The following ACTR3 variants were observed in gnomAD, a reference collection of about 807,000 sequenced individuals.
ACTR3 encodes the protein actin-related protein 3.
ACTR3 carries 12 observed loss-of-function variants against 56.8 expected under a neutral mutation model. That is an observed-to-expected ratio of 0.21 (90% CI 0.14 to 0.34). The LOEUF is 0.34. Ranked by LOEUF, ACTR3 falls within the 10% of genes least tolerant of loss-of-function variation. ACTR3 has a pLI of 1.00. For missense variants in ACTR3, 282 were observed against 512.5 expected (o/e 0.55, Z 4.34); for synonymous variants, 162 against 167.4 (o/e 0.97, Z 0.25).
chr2:113,894,082 T>C (rs1242608483), intron 1 of ACTR3, among the ~76,000 whole-genome samples: 1 of 151,764 alleles, frequency 6.6e-6, no homozygotes, highest in African/African-American at 2.4e-5. Context: ...TGTTTAATAA[T>C]AATGCTGTTT....
rs115561407 is a variant in ACTR3, at chr2:113,951,021, A to G, written c.859-458A>G. 2.3e-4 allele frequency: 36 copies of G among 156,404 alleles called. 1 individual carries two copies. The East Asian group carries it at 6.5e-3, about 28-fold the overall frequency. 9.7% of individuals were successfully genotyped at this position (156,404 alleles called of 1,614,324 possible). Reference sequence around the variant, plus strand: ...AACTTATTCACTCCATGAGAACAGTATGGGGGAAACCACCCTCATGATTCA... The same window carrying G: ...AACTTATTCACTCCATGAGAACAGTGTGGGGGAAACCACCCTCATGATTCA... On this transcript the variant is annotated intron_variant, in intron 8 of 11. Coordinates refer to ENST00000263238, the MANE Select transcript of ACTR3 (RefSeq NM_005721.5).
intron 8 of ACTR3, among the ~76,000 whole-genome samples, chr2:113,945,622 T>A (rs940306374): frequency 2.0e-5 from 3 of 152,206 alleles, no homozygotes; most frequent in Non-Finnish European, 4.4e-5. Context: ...CACTTTCACC[T>A]TGTTTATTCA....
chr2:113,962,387 T>C lies in ACTR3; in HGVS notation c.*4932T>C, dbSNP rs1250008071. 6.6e-6 allele frequency: 1 copy of C among 152,028 alleles called. No homozygotes were observed. The highest frequency in any genetic ancestry group is 2.4e-5 in the African/African-American group (1 of 41,444). The allele number at this position is 152,028 out of a possible 1,614,324, so 9.4% of individuals were successfully genotyped here. A position where few individuals can be genotyped will look rare whatever the true frequency, so the allele number is the denominator to read the frequency against. On this transcript the variant is annotated 3_prime_UTR_variant, in exon 12 of 12. Transcript: ENST00000263238. ...TAACAGTAGAAACAGGCCTCATTTCTCCCTCTGGCTTTTATTGATCAATTT... is the reference window on the plus strand; with the variant it reads ...TAACAGTAGAAACAGGCCTCATTTCCCCCTCTGGCTTTTATTGATCAATTT...
At chr2:113,934,148 C>T in intron 5 of ACTR3, 131 bp from the exon 6 acceptor site, 1 of 627,210 alleles carries the variant, frequency 1.6e-6, no homozygotes. Context: ...TATGTATTTT[C>T]TTTCCACAGA....
At chr2:113,955,083 A>C (rs1680187392) in intron 10 of ACTR3, 1 of 152,256 alleles carries the variant, frequency 6.6e-6, no homozygotes, top group Admixed American at 6.5e-5. Flanking sequence ...TGGAATATGT[A>C]TATGATAGTT....
intron 1 of ACTR3, among the ~76,000 whole-genome samples, chr2:113,907,621 T>A (rs1170258980): frequency 6.6e-6 from 1 of 152,088 alleles, no homozygotes; most frequent in Non-Finnish European, 1.5e-5. Context: ...AAAAATAAAT[T>A]ATACTGATAG....
chr2:113,959,389 T>A lies in ACTR3; in HGVS notation c.*1934T>A, dbSNP rs920175513. On this transcript the variant is annotated 3_prime_UTR_variant, in exon 12 of 12. Coordinates refer to ENST00000263238, the MANE Select transcript of ACTR3 (RefSeq NM_005721.5). ...CAATAAAATATTGTTAGCATTGTCATAAATATGTCTTTTCCACCGGCGATG... is the reference window on the plus strand; with the variant it reads ...CAATAAAATATTGTTAGCATTGTCAAAAATATGTCTTTTCCACCGGCGATG... 6.6e-6 allele frequency: 1 copy of A among 152,060 alleles called. No homozygotes were observed. Among genetic ancestry groups the A allele is most frequent in the Non-Finnish European group, 1.5e-5 (1 of 67,926 alleles). The allele number at this position is 152,060 out of a possible 1,614,324, so 9.4% of individuals were successfully genotyped here.
chr2:113,957,317 T>C (rs1231027530), intron 11 of ACTR3, 43 bp from the exon 12 acceptor site: 2 of 1,400,220 alleles, frequency 1.4e-6, no homozygotes, highest in East Asian at 2.3e-5. Context: ...TTCAAGATGG[T>C]AGATTTTTGA....
intron 3 of ACTR3, 130 bp from the exon 4 acceptor site, chr2:113,927,215 C>G (rs1287337149): frequency 1.9e-6 from 1 of 516,412 alleles, no homozygotes; most frequent in Non-Finnish European, 3.3e-6. Flanking sequence ...TAAGGATGTT[C>G]TATAGTATCA....
intron 1 of ACTR3, among the ~76,000 whole-genome samples, chr2:113,906,000 T>C (rs767089580): frequency 2.0e-5 from 3 of 152,252 alleles, no homozygotes; most frequent in Non-Finnish European, 2.9e-5. Flanking sequence ...TTCAGTTCTT[T>C]TGGGTATATA....
intron 6 of ACTR3, among the ~76,000 whole-genome samples, chr2:113,938,366 G>A (rs1679865907): frequency 6.6e-6 from 1 of 152,118 alleles, no homozygotes; most frequent in African/African-American, 2.4e-5. Context: ...TATAATTTTT[G>A]ATTTGGCACT....
chr2:113,912,468 A>G (rs573062552), intron 1 of ACTR3, among the ~76,000 whole-genome samples: 20 of 152,290 alleles, frequency 1.3e-4, no homozygotes, highest in African/African-American at 4.6e-4. Flanking sequence ...ATGTAGGCCA[A>G]GTCTACTGTG....
At chr2:113,916,792 T>C in intron 2 of ACTR3, 92 bp from the exon 3 acceptor site, 1 of 1,071,260 alleles carries the variant, frequency 9.3e-7, no homozygotes, top group Non-Finnish European at 1.3e-6. Context: ...CATGTTTTAC[T>C]TTGTAGTACT....
chr2:113,957,297 T>C, intron 11 of ACTR3, 63 bp from the exon 12 acceptor site: 1 of 1,215,084 alleles, frequency 8.2e-7, no homozygotes. Flanking sequence ...AAAGTTTATT[T>C]CAATATACCT....
At chr2:113,901,013 C>T (rs1220088760) in intron 1 of ACTR3, among the ~76,000 whole-genome samples, 1 of 152,198 alleles carries the variant, frequency 6.6e-6, no homozygotes, top group East Asian at 1.9e-4. Context: ...GAATCAGCCA[C>T]TGCATTCTTG....
chr2:113,958,901 A>C lies in ACTR3; in HGVS notation c.*1446A>C, dbSNP rs1475088429. 1 of 152,062 alleles carries C rather than the reference A, an allele frequency of 6.6e-6. No homozygotes were observed. Among genetic ancestry groups the C allele is most frequent in the African/African-American group, 2.4e-5 (1 of 41,458 alleles). The allele number at this position is 152,062 out of a possible 1,614,324, so 9.4% of individuals were successfully genotyped here. On this transcript the variant is annotated 3_prime_UTR_variant, in exon 12 of 12. Transcript: ENST00000263238. ...GTTTAGTTTTTTGTTTTTACTCTAA[A>C]GATAGAATTGGGGAGTAAACTTCAG...
intron 1 of ACTR3, among the ~76,000 whole-genome samples, chr2:113,895,107 T>C (rs1183010815): frequency 8.0e-6 from 1 of 124,514 alleles, no homozygotes; most frequent in African/African-American, 3.1e-5. Context: ...GACTATTTCC[T>C]TGTTACTTTG....
rs777364622 is a variant in ACTR3 at position 113,951,584 on chromosome 2, A to G, written c.951+13A>G. 6.3e-7 allele frequency: 1 copy of G among 1,597,814 alleles called. No homozygotes were observed. The highest frequency in any genetic ancestry group is 1.3e-5 in the African/African-American group (1 of 74,522). The stretch of plus-strand genomic sequence containing the variant: ...TCCTCTCTACAAGGTATTTATAGCA[A>G]AATTGTTATTCAAGGTCTTACTTTA... On this transcript the variant is annotated intron_variant, in intron 9 of 11. Transcript: ENST00000263238.
intron 4 of ACTR3, 72 bp from the exon 5 acceptor site, chr2:113,931,229 A>T: frequency 1.1e-6 from 1 of 879,982 alleles, no homozygotes; most frequent in Non-Finnish European, 1.7e-6. Flanking sequence ...ATTACTTCTC[A>T]TTTAAAAATT....
Sources: allele counts gnomAD v4.1 joint callset (sites outside exome capture counted in the v4.1 genomes callset), GRCh38; gene constraint gnomAD v4.1.1; transcripts MANE v1.5; gene names NCBI Gene and HGNC (gene_info 2026-07-23, HGNC 2026-07-21).